The following DDX54 variants were observed in gnomAD, a reference collection of about 807,000 sequenced individuals.
DDX54 encodes the protein ATP-dependent RNA helicase DDX54.
Under a neutral mutation model 105.5 loss-of-function variants are expected in DDX54, and 67 were observed. The ratio of observed to expected loss-of-function variants is 0.64; its 90% confidence interval spans 0.52 to 0.78. The LOEUF is 0.78. Among genes scored for constraint, DDX54 ranks in the 30% least tolerant of loss-of-function variants. DDX54 has a pLI of 0.00. For missense variants in DDX54, 1,206 were observed against 1,230.5 expected (o/e 0.98, Z 0.30); for synonymous variants, 514 against 509.9 (o/e 1.01, Z -0.11).
chr12:113,177,408 A>G (rs1952416813), intron 5 of DDX54: 1 of 317,652 alleles, frequency 3.1e-6, no homozygotes, highest in African/African-American at 2.1e-5. Context: ...CCCAGCAACT[A>G]ACCCCAGAAC....
At chr12:113,171,073 C>T (rs1952332095) in intron 11 of DDX54, among the ~76,000 whole-genome samples, 1 of 152,134 alleles carries the variant, frequency 6.6e-6, no homozygotes, top group Non-Finnish European at 1.5e-5. Flanking sequence ...TTGTGAGGCA[C>T]AAGAAATTCC....
At chr12:113,170,018 G>A (rs2305902) in intron 11 of DDX54, 114 bp from the exon 12 acceptor site, 115,806 of 1,423,128 alleles carry the variant, frequency 0.081, 5,835 homozygotes, top group East Asian at 0.24. Context: ...AACCTCACAC[G>A]GCTGCTGTCC....
intron 7 of DDX54, among the ~76,000 whole-genome samples, chr12:113,175,358 C>A (rs1409586198): frequency 3.3e-5 from 5 of 152,240 alleles, no homozygotes; most frequent in African/African-American, 1.2e-4. Context: ...CATGTTCTTA[C>A]AAACTCATGC....
In DDX54 at chr12:113,163,084, G is replaced by A; in HGVS notation, c.2082-39C>T. The A allele has an allele frequency of 6.2e-7, 1 of 1,609,390 alleles. No individual in the cohort carries two copies. The highest frequency in any genetic ancestry group is 8.5e-7 in the Non-Finnish European group (1 of 1,178,748). On this transcript the variant is annotated intron_variant, in intron 16 of 19. Coordinates refer to ENST00000306014, the MANE Select transcript of DDX54 (RefSeq NM_024072.4). The surrounding 1 kb of genome is among the most constrained non-coding windows in gnomAD (Gnocchi z 5.9). The stretch of plus-strand genomic sequence containing the variant: ...GTGGGAGACATAATTGGATTGATGG[G>A]ACCCAGCGGACCCAACTGCCCCACC...
intron 10 of DDX54, among the ~76,000 whole-genome samples, chr12:113,173,922 C>T (rs1028963421): frequency 6.6e-6 from 1 of 152,204 alleles, no homozygotes; most frequent in African/African-American, 2.4e-5. Context: ...GTGGCTTACA[C>T]CTGTAATCCC....
chr12:113,181,771 AC>A (rs1242203565), intron 1 of DDX54, among the ~76,000 whole-genome samples: 1 of 151,538 alleles, frequency 6.6e-6, no homozygotes, highest in African/African-American at 2.4e-5. Flanking sequence ...CTCACCCAGG[AC>A]CCACTTGTCC....
At chr12:113,159,207 G>T in intron 19 of DDX54, 98 bp from the exon 20 acceptor site, 1 of 1,306,312 alleles carries the variant, frequency 7.7e-7, no homozygotes, top group Non-Finnish European at 1.0e-6. Context: ...CCCTACTCCT[G>T]TTCTGTGCTT....
chr12:113,164,862 C>CA (rs1197952975), intron 14 of DDX54, among the ~76,000 whole-genome samples: 1 of 150,078 alleles, frequency 6.7e-6, no homozygotes, highest in African/African-American at 2.5e-5. Flanking sequence ...CTCATCTCTA[C>CA]AAAAAATAAA....
In DDX54 at chr12:113,165,671, G is replaced by T. The variant is rs776356252; in HGVS notation, c.1692C>A (p.Asp564Glu). The part of the protein sequence containing the change: ...EEELQRLRLV[D>E]SIKNYRSRAT... The stretch of plus-strand genomic sequence containing the variant: ...CCCGGGAGCGGTAGTTCTTTATGCT[G>T]TCCACCAGCCTCAGCCGCTGCAGCT... Residue 564 changes from aspartate (D) to glutamate (E), a missense_variant, in exon 14 of 20, where the codon GAC becomes GAA. Physicochemically the swap from Asp to Glu is conservative, Grantham distance 45. Coordinates refer to ENST00000306014, the MANE Select transcript of DDX54 (RefSeq NM_024072.4). 1.2e-6 allele frequency: 2 copies of T among 1,613,042 alleles called. No individual in the cohort carries two copies. Among genetic ancestry groups the T allele is most frequent in the Non-Finnish European group, 8.5e-7 (1 of 1,179,582 alleles).
chr12:113,165,337 T>C (rs1952258008), intron 14 of DDX54, among the ~76,000 whole-genome samples: 1 of 152,174 alleles, frequency 6.6e-6, no homozygotes, highest in Non-Finnish European at 1.5e-5. Context: ...CAGAAGCATG[T>C]CACTTCCCCT....
At chr12:113,173,108 G>C (rs909192028) in intron 10 of DDX54, among the ~76,000 whole-genome samples, 1 of 152,166 alleles carries the variant, frequency 6.6e-6, no homozygotes, top group Non-Finnish European at 1.5e-5. Context: ...GGGAAACCAA[G>C]GCTGGAAAAT....
intron 5 of DDX54, 32 bp downstream of exon 5, chr12:113,178,945 G>C: frequency 6.2e-7 from 1 of 1,612,826 alleles, no homozygotes; most frequent in Non-Finnish European, 8.5e-7. Context: ...CCTGCATGGT[G>C]GTGACCCTGG....
chr12:113,181,627 A>G (rs1952469692), intron 1 of DDX54, among the ~76,000 whole-genome samples: 3 of 151,972 alleles, frequency 2.0e-5, no homozygotes. Flanking sequence ...TACATTAAAG[A>G]GCCAATCGAA....
chr12:113,172,414 C>T lies in DDX54; in HGVS notation c.1218G>A (p.Leu406=), dbSNP rs1234701802. The change falls in exon 11 of 20, where the codon CTG becomes CTA. Residue 406 remains leucine, a synonymous_variant. Transcript: ENST00000306014. ...AGCTGTAGTTGATGACATTGTCCAG[C>T]AGCGGGATGTCCAGGCCTCGGGCGG... ...DLAARGLDIP[L]LDNVINYSFP... is the part of the protein sequence containing the mutation. 1 of 1,614,128 alleles carries T rather than the reference C, an allele frequency of 6.2e-7. No homozygotes were observed. Among genetic ancestry groups the T allele is most frequent in the Non-Finnish European group, 8.5e-7 (1 of 1,180,054 alleles).
chr12:113,180,618 C>A (rs1952455078), intron 2 of DDX54, among the ~76,000 whole-genome samples: 1 of 152,204 alleles, frequency 6.6e-6, no homozygotes, highest in Admixed American at 6.5e-5. Flanking sequence ...AGCCAGGTGT[C>A]CCCACACCAC....
In DDX54 at chr12:113,180,016, C is replaced by A. The variant is rs780726965; in HGVS notation, c.305-11G>T. The A allele has an allele frequency of 2.6e-5, 42 of 1,613,772 alleles. No homozygotes were observed. The highest frequency in any genetic ancestry group is 3.4e-5 in the Non-Finnish European group (40 of 1,179,978). Reference sequence around the variant, plus strand: ...CCGGGTAGCTCAGGCCTGGGAGAGACATGAAACGGTCAGGGGGCCGAGGGA... The same window carrying A: ...CCGGGTAGCTCAGGCCTGGGAGAGAAATGAAACGGTCAGGGGGCCGAGGGA... On this transcript the variant is annotated splice_polypyrimidine_tract_variant and intron_variant, in intron 2 of 19. Transcript: ENST00000306014.
In DDX54 at chr12:113,172,491, G is replaced by T; in HGVS notation, c.1141C>A (p.Leu381Ile). The T allele has an allele frequency of 6.2e-7, 1 of 1,614,266 alleles. No individual in the cohort carries two copies. The highest frequency in any genetic ancestry group is 2.2e-5 in the East Asian group (1 of 44,884). ...CACTTGCCAAGCGTGAATTTGGCGA[G>T]ATTGATCTTGCGGGCTGTCGGGTCT... is the stretch of plus-strand genomic sequence containing the variant. ...ALDPTARKIN[L>I]AKFTLGKCST... The change falls in exon 11 of 20, where the codon CTC (leucine) becomes ATC (isoleucine). Residue 381 changes from leucine (L) to isoleucine (I), a missense_variant. This residue lies in a region of DDX54 where 961 missense variants were observed against 1,019.1 expected (regional missense o/e 0.94). Transcript: ENST00000306014.
chr12:113,176,963 C>A (rs771857975), intron 6 of DDX54, 28 bp from the exon 7 acceptor site: 1 of 1,613,830 alleles, frequency 6.2e-7, no homozygotes. Context: ...GGCCAGGTGA[C>A]CCCAGGGCCA....
At chr12:113,175,190 G>A (rs752604829) in intron 7 of DDX54, 33 bp from the exon 8 acceptor site, 2 of 1,564,840 alleles carry the variant, frequency 1.3e-6, no homozygotes, top group South Asian at 1.2e-5. Flanking sequence ...TGGGTCAGAG[G>A]GGGCCTTCAC....
Sources: gnomAD v4.1 joint callset for allele counts (sites outside exome capture counted in the v4.1 genomes callset) on GRCh38, gnomAD v4.1.1 for gene constraint, gnomAD v4.1.1 regional missense constraint, Gnocchi (gnomAD v3.1) non-coding constraint, MANE v1.5 for transcripts, NCBI Gene and HGNC (gene_info 2026-07-23, HGNC 2026-07-21) for gene names.